Variants in LYRM4 observed in about 807,000 individuals in gnomAD.
The protein encoded by LYRM4 is LYR motif-containing protein 4.
In LYRM4, 9 loss-of-function variants were observed where a neutral mutation model predicts 11.7. The observed-to-expected ratio is 0.77, with a 90% confidence interval of 0.46 to 1.34. The LOEUF is 1.34. Among genes scored for constraint, LYRM4 ranks in the 40% most tolerant of loss-of-function variants. LYRM4 has a pLI of 0.00. For missense variants in LYRM4, 133 were observed against 112.5 expected, an observed-to-expected ratio of 1.18 and a Z score of -0.82; for synonymous variants, 42 against 40.4, an observed-to-expected ratio of 1.04 and a Z score of -0.15.
At chr6:5,153,993 C>A (rs1458012314) in intron 2 of LYRM4, among the ~76,000 whole-genome samples, 1 of 152,046 alleles carries the variant, frequency 6.6e-6, no homozygotes, top group South Asian at 2.1e-4. Context: ...TTCCCTACAT[C>A]TAGTAAAGAA....
intron 2 of LYRM4, among the ~76,000 whole-genome samples, chr6:5,158,351 T>C (rs1437195325): frequency 1.3e-5 from 2 of 152,174 alleles, no homozygotes; most frequent in African/African-American, 2.4e-5. Flanking sequence ...CTGAATGCAC[T>C]GTCACAAACC....
chr6:5,207,990 G>A (rs886533133), intron 2 of LYRM4, among the ~76,000 whole-genome samples: 3 of 152,220 alleles, frequency 2.0e-5, no homozygotes, highest in African/African-American at 7.2e-5. Context: ...TGGCTAACAA[G>A]TGAGAGTGCA....
intron 2 of LYRM4, among the ~76,000 whole-genome samples, chr6:5,162,420 C>G (rs1337454376): frequency 1.3e-5 from 2 of 151,970 alleles, no homozygotes; most frequent in Admixed American, 6.6e-5. Context: ...CACTACTGAC[C>G]CTCGACAGTG....
chr6:5,085,354 A>G, the LYRM4 span: 2 of 655,938 alleles, frequency 3.0e-6, no homozygotes, highest in Non-Finnish European at 5.1e-6. Flanking sequence ...TGTCTTGTCG[A>G]GCCTGGGGCG....
chr6:5,100,560 T>C (rs1762467370), downstream of LYRM4, among the ~76,000 whole-genome samples: 1 of 149,322 alleles, frequency 6.7e-6, no homozygotes, highest in Non-Finnish European at 1.5e-5. Context: ...TCATCCCAGT[T>C]CCATCAGCTG....
At chr6:5,039,984 A>G in the LYRM4 span, among the ~76,000 whole-genome samples, 1 of 152,252 alleles carries the variant, frequency 6.6e-6, no homozygotes, top group African/African-American at 2.4e-5. Flanking sequence ...AGGAAATACT[A>G]TAGATTAGTG....
chr6:5,085,588 G>A, the LYRM4 span: 3 of 1,546,022 alleles, frequency 1.9e-6, no homozygotes, highest in Admixed American at 2.0e-5. Context: ...GGTCCCCTGT[G>A]TGCAGGGTGG....
At chr6:5,180,881 T>G (rs1760031908) in intron 2 of LYRM4, among the ~76,000 whole-genome samples, 2 of 152,208 alleles carry the variant, frequency 1.3e-5, no homozygotes, top group African/African-American at 2.4e-5. Context: ...GTCACTCACC[T>G]TTGTTATCAC....
intron 2 of LYRM4, among the ~76,000 whole-genome samples, chr6:5,174,377 G>A (rs866390431): frequency 1.8e-4 from 28 of 152,240 alleles, no homozygotes; most frequent in South Asian, 2.1e-4. Context: ...CAATTCCTGT[G>A]GTTGAAATGA....
intron 1 of LYRM4, among the ~76,000 whole-genome samples, chr6:5,229,077 A>C (rs1763077714): frequency 6.6e-6 from 1 of 152,058 alleles, no homozygotes; most frequent in Non-Finnish European, 1.5e-5. Flanking sequence ...TCCCATGAGA[A>C]AATAGGGAAC....
intron 1 of LYRM4, among the ~76,000 whole-genome samples, chr6:5,236,099 T>C (rs1416069514): frequency 3.3e-5 from 5 of 152,184 alleles, no homozygotes; most frequent in Non-Finnish European, 7.3e-5. Context: ...TAGGTGGATA[T>C]TGAGGTTTTA....
At chr6:5,037,597 C>A in the LYRM4 span, among the ~76,000 whole-genome samples, 213 of 72,814 alleles carry the variant, frequency 2.9e-3, no homozygotes, top group Middle Eastern at 6.8e-3. Flanking sequence ...CGGGCAGAGG[C>A]GCCCCTCACC....
rs114115505 is a variant in LYRM4 at position 5,180,574 on chromosome 6, C to T, written c.207+36044G>A. Among the ~76,000 whole-genome samples, 496 of 152,268 alleles carry T rather than the reference C, an allele frequency of 3.3e-3. 1 individual carries two copies. The highest frequency in any genetic ancestry group is 5.8e-3 in the Non-Finnish European group (396 of 68,018). On this transcript the variant is annotated intron_variant, in intron 2 of 2. Coordinates refer to ENST00000330636, the MANE Select transcript of LYRM4 (RefSeq NM_020408.6). Reference sequence around the variant, plus strand: ...AGACTTTGACTCAGTTTCCTGTCTTCCCACTTTTCTCAATCTGTCACCCCT... The same window carrying T: ...AGACTTTGACTCAGTTTCCTGTCTTTCCACTTTTCTCAATCTGTCACCCCT...
At chr6:5,109,633 A>C in intron 2 of LYRM4, 142 bp from the exon 3 acceptor site, 1 of 759,004 alleles carries the variant, frequency 1.3e-6, no homozygotes, top group East Asian at 2.7e-5. Flanking sequence ...ACTGCGGGGC[A>C]AAGCCGGCCA....
chr6:5,113,192 C>T (rs756465912), intron 2 of LYRM4: 17 of 333,056 alleles, frequency 5.1e-5, no homozygotes, highest in South Asian at 1.1e-4. Flanking sequence ...TCCAGCACTT[C>T]GGGAGGTCGA....
Position 5,254,995 on chromosome 6 carries a change from T to C in LYRM4, c.86+5653A>G, listed in dbSNP as rs532050112. Among the ~76,000 whole-genome samples the C allele has an allele frequency of 1.7e-4, 26 of 152,312 alleles. No individual in the cohort carries two copies. The South Asian group carries it at 5.2e-3, about 30-fold the overall frequency. On this transcript the variant is annotated intron_variant, in intron 1 of 2. Coordinates refer to ENST00000330636, the MANE Select transcript of LYRM4 (RefSeq NM_020408.6). ...TCTGCCATAACCACTTGACTAACAA[T>C]GCTGCTCTGGTAATGGTACCAGAGG...
intron 2 of LYRM4, among the ~76,000 whole-genome samples, chr6:5,173,679 TTTGA>T (rs1424070516): frequency 6.6e-6 from 1 of 152,254 alleles, no homozygotes; most frequent in Non-Finnish European, 1.5e-5. Context: ...TTACAAATTC[TTTGA>T]TTGAGTACTA....
intron 1 of LYRM4, among the ~76,000 whole-genome samples, chr6:5,259,569 C>T (rs1037000943): frequency 6.6e-6 from 1 of 151,416 alleles, no homozygotes; most frequent in Non-Finnish European, 1.5e-5. Flanking sequence ...TGTCCTCTGA[C>T]AGAGGTTGTA....
the LYRM4 span, among the ~76,000 whole-genome samples, chr6:5,059,306 A>C: frequency 6.8e-6 from 1 of 147,666 alleles, no homozygotes; most frequent in Non-Finnish European, 1.5e-5. Flanking sequence ...GTGGCACAGC[A>C]TTCCGGCCCG....
Sources: allele counts gnomAD v4.1 joint callset (sites outside exome capture counted in the v4.1 genomes callset), GRCh38; gene constraint gnomAD v4.1.1; transcripts MANE v1.5; gene names NCBI Gene and HGNC (gene_info 2026-07-23, HGNC 2026-07-21).